The following COPG2 variants were observed in gnomAD, a reference collection of about 807,000 sequenced individuals.
COPG2 encodes the protein coat protein complex I subunit gamma 2, also known as coatomer subunit gamma-2.
COPG2 carries 37 observed loss-of-function variants against 46.3 expected under a neutral mutation model. The ratio of observed to expected loss-of-function variants is 0.80; its 90% CI spans 0.61 to 1.05. COPG2 has a LOEUF of 1.05. Among genes scored for constraint, COPG2 ranks in the 50% least tolerant of loss-of-function variants. COPG2 has a pLI of 0.00. For synonymous variants in COPG2, 159 were observed against 129.7 expected, an observed-to-expected ratio of 1.23 and a Z score of -1.53; for missense variants, 427 against 387.8, an observed-to-expected ratio of 1.10 and a Z score of -0.85.
intron 6 of COPG2, among the ~76,000 whole-genome samples, chr7:130,614,312 A>G (rs1794908664): frequency 6.6e-6 from 1 of 152,236 alleles, no homozygotes; most frequent in South Asian, 2.1e-4. Flanking sequence ...TGCAAAAAAT[A>G]AAAAACAATC....
intron 20 of COPG2, among the ~76,000 whole-genome samples, chr7:130,513,794 CA>C (rs1249438675): frequency 8.5e-5 from 13 of 152,062 alleles, no homozygotes; most frequent in Admixed American, 8.5e-4. Context: ...GAATGATACA[CA>C]AGATGATAGC....
intron 20 of COPG2, among the ~76,000 whole-genome samples, chr7:130,533,373 G>C (rs1196870919): frequency 1.3e-5 from 2 of 152,034 alleles, no homozygotes; most frequent in African/African-American, 4.8e-5. Context: ...GGGGAATCCA[G>C]AGACTTTACA....
intron 9 of COPG2, among the ~76,000 whole-genome samples, chr7:130,601,656 G>A (rs1794632823): frequency 6.6e-6 from 1 of 152,052 alleles, no homozygotes; most frequent in Admixed American, 6.6e-5. Context: ...CACACACCGG[G>A]GCCTGTCGCG....
chr7:130,655,768 G>GTGTCTCTTTATCCCA (rs1795837877), intron 4 of COPG2, among the ~76,000 whole-genome samples: 1 of 152,196 alleles, frequency 6.6e-6, no homozygotes, highest in African/African-American at 2.4e-5. Context: ...TCACAGTCCT[G>GTGTCTCTTTATCCCA]GGATGCCTAT....
intron 20 of COPG2, among the ~76,000 whole-genome samples, chr7:130,518,452 G>T (rs1799697157): frequency 6.6e-6 from 1 of 152,154 alleles, no homozygotes; most frequent in Non-Finnish European, 1.5e-5. Flanking sequence ...GGTTTATTTG[G>T]TGAGAAGATG....
intron 9 of COPG2, chr7:130,608,385 T>C (rs1286849841): frequency 4.3e-6 from 1 of 232,188 alleles, no homozygotes; most frequent in Non-Finnish European, 8.6e-6. Flanking sequence ...ACCTACACAT[T>C]TACCCTTTCT....
intron 19 of COPG2, among the ~76,000 whole-genome samples, chr7:130,548,166 T>C (rs1793475354): frequency 6.6e-6 from 1 of 152,222 alleles, no homozygotes; most frequent in Admixed American, 6.5e-5. Flanking sequence ...AAATTGGTTA[T>C]ACTTTATGTT....
At chr7:130,558,032 C>A (rs1793660241) in intron 12 of COPG2, among the ~76,000 whole-genome samples, 3 of 151,726 alleles carry the variant, frequency 2.0e-5, no homozygotes, top group African/African-American at 7.3e-5. Flanking sequence ...TATGAACATA[C>A]AAACTCAAGT....
intron 4 of COPG2, among the ~76,000 whole-genome samples, chr7:130,654,252 T>A (rs1174666508): frequency 6.6e-6 from 1 of 152,110 alleles, no homozygotes; most frequent in Non-Finnish European, 1.5e-5. Flanking sequence ...AGAACAAAAA[T>A]TTTAAATGTG....
rs1039839979 is a variant in COPG2, at chr7:130,538,528, A to G, written c.2149+9146T>C. Among the ~76,000 whole-genome samples the G allele has an allele frequency of 2.0e-3, 301 of 152,236 alleles. 4 individuals carry two copies. Among genetic ancestry groups the G allele is most frequent in the African/African-American group, 6.8e-3 (281 of 41,536 alleles). On this transcript the variant is annotated intron_variant, in intron 20 of 23. Coordinates refer to ENST00000425248, the MANE Select transcript of COPG2 (RefSeq NM_012133.6). ...CCCATAGGATTACGGTAGGGAGGCA[A>G]AATCCCAGGCTTTTCAGAAGTGGAT...
intron 9 of COPG2, among the ~76,000 whole-genome samples, chr7:130,585,623 G>C (rs1554447873): frequency 6.6e-6 from 1 of 151,584 alleles, no homozygotes; most frequent in Non-Finnish European, 1.5e-5. Context: ...AAATCAGTAA[G>C]AAAAAAACAA....
intron 9 of COPG2, among the ~76,000 whole-genome samples, chr7:130,577,072 G>C (rs1311918300): frequency 1.3e-5 from 2 of 152,206 alleles, no homozygotes; most frequent in African/African-American, 4.8e-5. Context: ...GGAAGAATTA[G>C]ATCCCCTGAA....
chr7:130,549,043 CAAA>C (rs1284034360), intron 18 of COPG2, among the ~76,000 whole-genome samples: 2,603 of 110,642 alleles, frequency 0.024, 78 homozygotes, highest in African/African-American at 0.067. Context: ...AAGCAAAAAG[CAAA>C]AAAAAAAAAA....
chr7:130,575,502 C>T (rs1793986066), intron 9 of COPG2, among the ~76,000 whole-genome samples: 1 of 152,052 alleles, frequency 6.6e-6, no homozygotes, highest in Non-Finnish European at 1.5e-5. Flanking sequence ...CAAACAAATG[C>T]TGAGAGAATT....
At chr7:130,583,275 C>T (rs1794190718) in intron 9 of COPG2, among the ~76,000 whole-genome samples, 1 of 147,630 alleles carries the variant, frequency 6.8e-6, no homozygotes. Flanking sequence ...CAGATTCTCA[C>T]TCATAGGTGG....
intron 8 of COPG2, among the ~76,000 whole-genome samples, 174 bp from the exon 9 acceptor site, chr7:130,611,284 C>T (rs1207669392): frequency 1.3e-5 from 2 of 152,102 alleles, no homozygotes; most frequent in Non-Finnish European, 2.9e-5. Context: ...AAAGATTAAA[C>T]GTTTCTAATT....
At chr7:130,536,844 G>A (rs918915206) in intron 20 of COPG2, among the ~76,000 whole-genome samples, 3 of 152,186 alleles carry the variant, frequency 2.0e-5, no homozygotes, top group African/African-American at 7.2e-5. Flanking sequence ...CCAAGATAGG[G>A]GCCCAGTGAC....
At chr7:130,666,792 A>C (rs2116276056) in intron 3 of COPG2, 57 bp downstream of exon 3, 1 of 761,104 alleles carries the variant, frequency 1.3e-6, no homozygotes, top group East Asian at 2.6e-5. Flanking sequence ...ATTTCACTGA[A>C]TCTTCAGTAT....
chr7:130,556,873 C>G (rs1793634777), intron 12 of COPG2, among the ~76,000 whole-genome samples: 1 of 151,886 alleles, frequency 6.6e-6, no homozygotes, highest in Non-Finnish European at 1.5e-5. Context: ...ATGTCCATAA[C>G]ATAAACATAT....
Sources: gnomAD v4.1 joint callset for allele counts (sites outside exome capture counted in the v4.1 genomes callset) on GRCh38, gnomAD v4.1.1 for gene constraint, MANE v1.5 for transcripts, NCBI Gene and HGNC (gene_info 2026-07-23, HGNC 2026-07-21) for gene names.